Variants in HTR4 observed in about 807,000 individuals in gnomAD.
HTR4 encodes 5-hydroxytryptamine (serotonin) receptor 4, G protein-coupled.
Under a neutral mutation model 36.8 loss-of-function variants are expected in HTR4, and 16 were observed. That is an observed-to-expected ratio of 0.43 (90% CI 0.29 to 0.66). HTR4 has a LOEUF of 0.66. Among genes scored for constraint, HTR4 ranks in the 30% least tolerant of loss-of-function variants. HTR4 has a pLI of 0.13. For missense variants in HTR4, 438 were observed against 490.9 expected, an observed-to-expected ratio of 0.89 and a Z score of 1.02; for synonymous variants, 189 against 185.1, an observed-to-expected ratio of 1.02 and a Z score of -0.17.
At chr5:148,583,271 C>T (rs1361613661) in intron 2 of HTR4, among the ~76,000 whole-genome samples, 1 of 146,332 alleles carries the variant, frequency 6.8e-6, no homozygotes, top group Non-Finnish European at 1.5e-5. Flanking sequence ...AGCCTTGCAT[C>T]CCAGGGATGA....
chr5:148,553,045 G>A (rs976249078), intron 2 of HTR4, among the ~76,000 whole-genome samples: 2 of 152,222 alleles, frequency 1.3e-5, no homozygotes, highest in African/African-American at 4.8e-5. Flanking sequence ...TTTGAAATAA[G>A]AGTAGATTCA....
downstream of HTR4, among the ~76,000 whole-genome samples, chr5:148,479,851 T>C (rs190280409): frequency 2.0e-5 from 3 of 152,350 alleles, no homozygotes; most frequent in African/African-American, 7.2e-5. Context: ...ATAAACTGTA[T>C]AAGTGGCCCC....
chr5:148,596,400 G>A (rs1761774457), intron 2 of HTR4, among the ~76,000 whole-genome samples: 1 of 152,062 alleles, frequency 6.6e-6, no homozygotes, highest in Non-Finnish European at 1.5e-5. Context: ...ATTCTTTAAA[G>A]TTCACAGTTC....
intron 1 of HTR4, among the ~76,000 whole-genome samples, chr5:148,640,290 G>A (rs1453644883): frequency 6.6e-6 from 1 of 152,134 alleles, no homozygotes; most frequent in East Asian, 1.9e-4. Context: ...TTTCCTTACT[G>A]GAACCACCTC....
At chr5:148,527,929 C>T (rs980298874) in intron 4 of HTR4, among the ~76,000 whole-genome samples, 1 of 152,172 alleles carries the variant, frequency 6.6e-6, no homozygotes, top group Non-Finnish European at 1.5e-5. Flanking sequence ...ACACATTTTA[C>T]ATATACAGTC....
In HTR4 at chr5:148,481,926, A is replaced by AAGGC; in HGVS notation, c.*1273_*1276dup. On this transcript the variant is annotated 3_prime_UTR_variant, in exon 7 of 7. Transcript: ENST00000377888. ...GGTCGTTCCTTTGAAACAAAGCCAA[A>AAGGC]AGGCAGGCAGGCCATGGCTTCTCGA... The AAGGC allele has an allele frequency of 1.8e-6, 2 of 1,114,058 alleles. No homozygotes were observed. Among genetic ancestry groups the AAGGC allele is most frequent in the Non-Finnish European group, 2.2e-6 (2 of 913,974 alleles). The allele number at this position is 1,114,058 out of a possible 1,614,324, so 69.0% of individuals were successfully genotyped here.
At chr5:148,505,208 C>T (rs1279552688) in intron 6 of HTR4, among the ~76,000 whole-genome samples, 1 of 152,156 alleles carries the variant, frequency 6.6e-6, no homozygotes, top group African/African-American at 2.4e-5. Flanking sequence ...GGATGCAAGG[C>T]TGGTTCAACA....
In HTR4 at chr5:148,482,756, G is replaced by A. The variant is rs1755948492; in HGVS notation, c.*447C>T. ...AGCAAGTAAGCAAGACAGGAGCGACGCCTCTGGCTAAGACAGGAACAGAGA... is the reference window on the plus strand; with the variant it reads ...AGCAAGTAAGCAAGACAGGAGCGACACCTCTGGCTAAGACAGGAACAGAGA... On this transcript the variant is annotated 3_prime_UTR_variant, in exon 7 of 7. Coordinates refer to ENST00000377888, the MANE Select transcript of HTR4 (RefSeq NM_000870.7). 2 of 1,019,164 alleles carry A rather than the reference G, an allele frequency of 2.0e-6. No individual in the cohort carries two copies. The highest frequency in any genetic ancestry group is 2.4e-6 in the Non-Finnish European group (2 of 848,622). 63.1% of individuals were successfully genotyped at this position (1,019,164 alleles called of 1,614,324 possible). A position where few individuals can be genotyped will look rare whatever the true frequency, so the allele number is the denominator to read the frequency against.
intron 1 of HTR4, chr5:148,645,063 T>C (rs1753841047): frequency 6.6e-6 from 1 of 152,234 alleles, no homozygotes; most frequent in Non-Finnish European, 1.5e-5. Context: ...AATAAATTTA[T>C]TTAAGGAAAA....
intron 2 of HTR4, among the ~76,000 whole-genome samples, chr5:148,559,348 T>A (rs1025016816): frequency 6.6e-6 from 1 of 152,158 alleles, no homozygotes; most frequent in Non-Finnish European, 1.5e-5. Context: ...TTACTGGCCA[T>A]GAACAAAATC....
At chr5:148,539,016 T>C (rs1377480746) in intron 4 of HTR4, among the ~76,000 whole-genome samples, 1 of 152,154 alleles carries the variant, frequency 6.6e-6, no homozygotes, top group Non-Finnish European at 1.5e-5. Flanking sequence ...ATGGTACTGG[T>C]ATGAAAACAG....
At chr5:148,618,925 A>G (rs555754019) in intron 2 of HTR4, among the ~76,000 whole-genome samples, 3 of 152,300 alleles carry the variant, frequency 2.0e-5, no homozygotes, top group Admixed American at 6.5e-5. Context: ...GCCGATTCCA[A>G]TCACTTTCAT....
intron 2 of HTR4, among the ~76,000 whole-genome samples, chr5:148,635,875 A>G (rs1467070327): frequency 6.6e-6 from 1 of 152,186 alleles, no homozygotes; most frequent in Non-Finnish European, 1.5e-5. Context: ...CCAAGTCAGT[A>G]CATCTGGGAA....
At chr5:148,640,668 T>C (rs535224331) in intron 1 of HTR4, among the ~76,000 whole-genome samples, 1 of 152,338 alleles carries the variant, frequency 6.6e-6, no homozygotes, top group African/African-American at 2.4e-5. Flanking sequence ...ACAAATTCTT[T>C]TTGCCTCCTT....
intron 4 of HTR4, among the ~76,000 whole-genome samples, chr5:148,541,954 T>C (rs1759136782): frequency 6.6e-6 from 1 of 152,070 alleles, no homozygotes; most frequent in Admixed American, 6.6e-5. Context: ...CAGACTCCAA[T>C]AGCTTTTTTT....
intron 2 of HTR4, 121 bp downstream of exon 2, chr5:148,636,868 T>A (rs144695998): frequency 7.8e-6 from 5 of 639,716 alleles, no homozygotes; most frequent in Non-Finnish European, 5.6e-6. Context: ...TGATTATATA[T>A]GAAACATCAA....
chr5:148,562,058 A>C (rs1294479042), intron 2 of HTR4, among the ~76,000 whole-genome samples: 1 of 152,328 alleles, frequency 6.6e-6, no homozygotes, highest in Middle Eastern at 3.4e-3. Context: ...GAAACAGCTC[A>C]ATTTTATGCT....
At chr5:148,508,523 C>T (rs924519797) in intron 6 of HTR4, among the ~76,000 whole-genome samples, 4 of 152,110 alleles carry the variant, frequency 2.6e-5, no homozygotes, top group Non-Finnish European at 5.9e-5. Context: ...TATTTCATTT[C>T]CTTCCTTGTA....
intron 2 of HTR4, among the ~76,000 whole-genome samples, chr5:148,615,607 C>G (rs899202500): frequency 4.7e-5 from 7 of 150,262 alleles, no homozygotes; most frequent in African/African-American, 1.7e-4. Flanking sequence ...GTGTAGCACA[C>G]CAGCATGGCA....
Sources: gnomAD v4.1 joint callset for allele counts (sites outside exome capture counted in the v4.1 genomes callset) on GRCh38, gnomAD v4.1.1 for gene constraint, MANE v1.5 for transcripts, NCBI Gene and HGNC (gene_info 2026-07-23, HGNC 2026-07-21) for gene names.